The following RUVBL2 variants were observed in gnomAD, a reference collection of about 807,000 sequenced individuals.
RUVBL2 encodes ruvB-like 2.
Under a neutral mutation model 57.9 loss-of-function variants are expected in RUVBL2, and 9 were observed. The observed-to-expected ratio is 0.16, with a 90% CI of 0.09 to 0.27. The LOEUF (loss-of-function observed/expected upper bound fraction) is 0.27. Ranked by LOEUF, RUVBL2 falls within the 10% of genes least tolerant of loss-of-function variation. The probability of loss-of-function intolerance (pLI) is 1.00; values close to 1 mark genes in which losing one functional copy is unlikely to be tolerated. For missense variants in RUVBL2, 456 were observed against 669.6 expected (o/e 0.68, Z 3.52); for synonymous variants, 278 against 264.6 (o/e 1.05, Z -0.49).
intron 4 of RUVBL2, among the ~76,000 whole-genome samples, chr19:49,005,968 C>T (rs2039274787): frequency 6.6e-6 from 1 of 152,242 alleles, no homozygotes; most frequent in Admixed American, 6.5e-5. Context: ...TGTGCCCGGC[C>T]TCGCCTTTCC....
At position 49,015,533 on chromosome 19, in the gene RUVBL2, G is replaced by A. The variant is rs199621374; in HGVS notation, c.1252-39G>A. 51 of 1,477,688 alleles carry A rather than the reference G, an allele frequency of 3.5e-5. No individual in the cohort carries two copies. The Admixed American group carries it at 4.7e-4, about 14-fold the overall frequency. 91.5% of individuals were successfully genotyped at this position (1,477,688 alleles called of 1,614,324 possible). On this transcript the variant is annotated intron_variant, in intron 13 of 14. Coordinates refer to ENST00000595090, the MANE Select transcript of RUVBL2 (RefSeq NM_006666.3). ...CTGGGGTCTGTGCCTTGAGCCTCAC[G>A]GAGAGGGGCCCAACTGAGGACTCGC...
chr19:48,995,986 C>CAAA (rs562564350), intron 1 of RUVBL2, among the ~76,000 whole-genome samples: 1 of 83,710 alleles, frequency 1.2e-5, no homozygotes, highest in Non-Finnish European at 2.5e-5. Flanking sequence ...GGCTGTGTCT[C>CAAA]AAAAAAAAAA....
intron 3 of RUVBL2, 110 bp from the exon 4 acceptor site, chr19:49,004,167 T>A: frequency 1.4e-5 from 16 of 1,138,304 alleles, no homozygotes; most frequent in Non-Finnish European, 1.7e-5. Flanking sequence ...TGGCTTTTCC[T>A]AGAAGTCCCA....
At chr19:48,994,054 G>C (rs1185961148) in intron 1 of RUVBL2, 131 bp downstream of exon 1, 1 of 1,063,862 alleles carries the variant, frequency 9.4e-7, no homozygotes, top group African/African-American at 1.6e-5. Flanking sequence ...GGGTCTGAAA[G>C]AGGAGGAAGC....
chr19:49,002,238 C>T (rs528610281), intron 2 of RUVBL2, among the ~76,000 whole-genome samples: 5 of 152,004 alleles, frequency 3.3e-5, no homozygotes, highest in African/African-American at 7.2e-5. Flanking sequence ...TTAGTAGAGA[C>T]GGGGTTTCAC....
intron 1 of RUVBL2, among the ~76,000 whole-genome samples, chr19:48,998,975 C>T (rs893233121): frequency 6.7e-6 from 1 of 150,360 alleles, no homozygotes; most frequent in East Asian, 2.0e-4. Context: ...TGCAGTGAGC[C>T]GAGATTGGGC....
chr19:49,015,532 C>G lies in RUVBL2; in HGVS notation c.1252-40C>G, dbSNP rs762457885. 7 of 1,469,152 alleles carry G rather than the reference C, an allele frequency of 4.8e-6. No homozygotes were observed. The Admixed American group carries it at 1.2e-4, about 25-fold the overall frequency. 91.0% of individuals were successfully genotyped at this position (1,469,152 alleles called of 1,614,324 possible). A position where few individuals can be genotyped will look rare whatever the true frequency, so the allele number is the denominator to read the frequency against. Reference sequence around the variant, plus strand: ...GCTGGGGTCTGTGCCTTGAGCCTCACGGAGAGGGGCCCAACTGAGGACTCG... The same window carrying G: ...GCTGGGGTCTGTGCCTTGAGCCTCAGGGAGAGGGGCCCAACTGAGGACTCG... On this transcript the variant is annotated intron_variant, in intron 13 of 14. Transcript: ENST00000595090.
In RUVBL2 at chr19:48,997,919, G is replaced by A. The variant is rs140142276; in HGVS notation, c.13-1400G>A. On this transcript the variant is annotated intron_variant, in intron 1 of 14. Transcript: ENST00000595090. ...CCTCTCTGTGGAGAACTGTCAACAT[G>A]GGAAGCCTCGGTATATTCTTGTTGA... Among the ~76,000 whole-genome samples the A allele has an allele frequency of 3.7e-4, 57 of 152,254 alleles. 1 individual carries two copies. In the East Asian group the frequency reaches 8.9e-3, roughly 24 times the overall value.
chr19:48,998,283 A>G (rs2039103768), intron 1 of RUVBL2, among the ~76,000 whole-genome samples: 1 of 152,174 alleles, frequency 6.6e-6, no homozygotes, highest in Non-Finnish European at 1.5e-5. Flanking sequence ...CTGGTGGTTG[A>G]GAACTGGGGC....
intron 6 of RUVBL2, among the ~76,000 whole-genome samples, chr19:49,009,160 CAAAAAAAAAAAAAAAAAAAAA>C (rs61402282): frequency 0.059 from 1,261 of 21,430 alleles, 30 homozygotes; most frequent in South Asian, 0.28. Context: ...GACTCTATCT[CAAAAAAAAAAAAAAAAAAAAA>C]AAAAAAAAAA....
chr19:49,000,330 G>A (rs990701853), intron 2 of RUVBL2, among the ~76,000 whole-genome samples: 6 of 152,222 alleles, frequency 3.9e-5, no homozygotes, highest in East Asian at 1.9e-4. Flanking sequence ...CAAGGTGGGC[G>A]GATCACCTGA....
chr19:49,009,379 C>T (rs530557958), intron 6 of RUVBL2, among the ~76,000 whole-genome samples: 40 of 141,322 alleles, frequency 2.8e-4, no homozygotes, highest in South Asian at 2.5e-3. Flanking sequence ...CCCAGCTACT[C>T]GGGAGGCTGA....
At position 49,011,419 on chromosome 19, in the gene RUVBL2, G is replaced by A; in HGVS notation, c.1001+109G>A. 1 of 843,182 alleles carries A rather than the reference G, an allele frequency of 1.2e-6. No homozygotes were observed. The highest frequency in any genetic ancestry group is 1.9e-6 in the Non-Finnish European group (1 of 512,948). 52.2% of individuals were successfully genotyped at this position (843,182 alleles called of 1,614,324 possible). On this transcript the variant is annotated intron_variant, in intron 11 of 14. Transcript: ENST00000595090. This position sits in a 1 kb window ranked among gnomAD's most constrained non-coding sequence, Gnocchi z 4.4. ...GACACCGGGTCAGGGAGGGACGCGT[G>A]ACTGCAGTGTGCGCTCTTTGCTTAC...
intron 2 of RUVBL2, among the ~76,000 whole-genome samples, chr19:49,002,523 G>T (rs2039204919): frequency 6.6e-6 from 1 of 152,104 alleles, no homozygotes; most frequent in South Asian, 2.1e-4. Flanking sequence ...TAGGTTCTGG[G>T]ACTGTTGCCA....
chr19:49,009,688 C>A, intron 6 of RUVBL2, 88 bp from the exon 7 acceptor site: 3 of 1,143,056 alleles, frequency 2.6e-6, no homozygotes, highest in East Asian at 2.3e-5. Flanking sequence ...GAGGCCAGAG[C>A]AGAGCCAGAA....
Position 49,010,477 on chromosome 19 carries a change from C to A in RUVBL2, c.664-11C>A. 3.2e-6 allele frequency: 5 copies of A among 1,575,638 alleles called. No individual in the cohort carries two copies. The South Asian group carries it at 3.3e-5, about 10-fold the overall frequency. On this transcript the variant is annotated splice_polypyrimidine_tract_variant and intron_variant, in intron 8 of 14. Coordinates refer to ENST00000595090, the MANE Select transcript of RUVBL2 (RefSeq NM_006666.3). Reference sequence around the variant, plus strand: ...TGTCTCCGCCGTTCTTCCCCCACCCCCGCCCCATAGACCAAGTTCGTGCAG... The same window carrying A: ...TGTCTCCGCCGTTCTTCCCCCACCCACGCCCCATAGACCAAGTTCGTGCAG...
chr19:49,010,467 T>TCCGCCCC, intron 8 of RUVBL2, 21 bp from the exon 9 acceptor site: 7 of 1,401,198 alleles, frequency 5.0e-6, no homozygotes, highest in Non-Finnish European at 7.0e-6. Flanking sequence ...CCGCCGTTCT[T>TCCGCCCC]CCCCCACCCC....
intron 11 of RUVBL2, among the ~76,000 whole-genome samples, chr19:49,012,643 C>T (rs571094849): frequency 9.2e-5 from 14 of 152,374 alleles, no homozygotes; most frequent in African/African-American, 3.1e-4. Context: ...ATTCAAGTCA[C>T]CTGACACCCA....
At chr19:48,994,250 G>C (rs1344178203) in intron 1 of RUVBL2, 2 of 462,430 alleles carry the variant, frequency 4.3e-6, no homozygotes, top group Non-Finnish European at 4.0e-6. Context: ...TGATGAGGAG[G>C]GTTGTAGGAC....
Sources: allele counts gnomAD v4.1 joint callset (sites outside exome capture counted in the v4.1 genomes callset), GRCh38; gene constraint gnomAD v4.1.1; non-coding constraint Gnocchi (gnomAD v3.1); transcripts MANE v1.5; gene names NCBI Gene and HGNC (gene_info 2026-07-23, HGNC 2026-07-21).